Variants in KIAA1328 observed in about 807,000 individuals in gnomAD.
KIAA1328 encodes protein hinderin.
In KIAA1328, 52 loss-of-function variants were observed where a neutral mutation model predicts 68.1. The ratio of observed to expected loss-of-function variants is 0.76; its 90% CI spans 0.61 to 0.96. The LOEUF (loss-of-function observed/expected upper bound fraction) is 0.96, where lower values mean the gene tolerates loss of function less well. Ranked by LOEUF, KIAA1328 falls within the 40% of genes least tolerant of loss-of-function variation. The pLI, the probability that KIAA1328 is intolerant of heterozygous loss-of-function variation, is 0.00. For missense variants in KIAA1328, 641 were observed against 677.6 expected (o/e 0.95, Z 0.60); for synonymous variants, 232 against 239.4 (o/e 0.97, Z 0.28).
chr18:36,885,841 C>T (rs867942173), intron 5 of KIAA1328, 169 bp downstream of exon 5: 5 of 526,790 alleles, frequency 9.5e-6, no homozygotes, highest in South Asian at 8.6e-5. Context: ...CTCAGCCTCC[C>T]GAGTAGCTGG....
chr18:37,065,113 AAGTG>A (rs1408232051), intron 6 of KIAA1328, among the ~76,000 whole-genome samples: 1 of 152,232 alleles, frequency 6.6e-6, no homozygotes, highest in African/African-American at 2.4e-5. Flanking sequence ...TGTGTGTGAA[AAGTG>A]AGACTATTTC....
At chr18:36,951,113 CCTT>C (rs1598800697) in intron 5 of KIAA1328, among the ~76,000 whole-genome samples, 1 of 152,178 alleles carries the variant, frequency 6.6e-6, no homozygotes, top group Admixed American at 6.5e-5. Flanking sequence ...ACATTGGCCT[CCTT>C]CTCGTCTCAC....
intron 9 of KIAA1328, among the ~76,000 whole-genome samples, chr18:37,194,918 CA>C (rs1362889497): frequency 6.6e-6 from 1 of 152,154 alleles, no homozygotes; most frequent in East Asian, 1.9e-4. Flanking sequence ...CTTGGCCTCC[CA>C]AAGTGCTGGG....
In KIAA1328 at chr18:36,953,995, C is replaced by CTTTTTT. The variant is rs71168249; in HGVS notation, c.449-5300_449-5295dup. Among the ~76,000 whole-genome samples the CTTTTTT allele has an allele frequency of 3.9e-3, 445 of 113,500 alleles. 3 individuals carry two copies. The highest frequency in any genetic ancestry group is 6.3e-3 in the East Asian group (25 of 3,938). The allele number at this position is 113,500 out of a possible 152,430, so 74.5% of individuals were successfully genotyped here. ...ATATATTGAATTTGTCTGATTGTTT[C>CTTTTTT]TTTTTTTTTTTTTTTTTTGAGACGG... On this transcript the variant is annotated intron_variant, in intron 5 of 9. Transcript: ENST00000280020.
chr18:37,134,920 T>TA (rs2058609216), intron 7 of KIAA1328, among the ~76,000 whole-genome samples: 1 of 152,296 alleles, frequency 6.6e-6, no homozygotes, highest in East Asian at 1.9e-4. Context: ...ACCCAACGTT[T>TA]AGTTCCCACT....
At chr18:37,129,962 G>T in intron 7 of KIAA1328, among the ~76,000 whole-genome samples, 1 of 152,070 alleles carries the variant, frequency 6.6e-6, no homozygotes, top group East Asian at 1.9e-4. Context: ...GAAATAAAGG[G>T]TTCAGTATGT....
chr18:37,192,145 T>TTGTGTGTGTGTG lies in KIAA1328; in HGVS notation c.1523+19084_1523+19095dup, dbSNP rs10667132. Among the ~76,000 whole-genome samples the TTGTGTGTGTGTG allele has an allele frequency of 4.0e-3, 578 of 144,732 alleles. 8 individuals carry two copies. The highest frequency in any genetic ancestry group is 4.3e-3 in the Non-Finnish European group (286 of 65,856). 94.9% of individuals were successfully genotyped at this position (144,732 alleles called of 152,430 possible). ...TTACATCTAAAGATAAGTCAAGAAA[T>TTGTGTGTGTGTG]TGTGTGTGTGTGTGTGTGTGTGTGT... is the stretch of plus-strand genomic sequence containing the variant. On this transcript the variant is annotated intron_variant, in intron 9 of 9. Coordinates refer to ENST00000280020, the MANE Select transcript of KIAA1328 (RefSeq NM_020776.3).
intron 6 of KIAA1328, among the ~76,000 whole-genome samples, chr18:37,023,994 A>T (rs1446134378): frequency 2.6e-5 from 4 of 151,942 alleles, no homozygotes; most frequent in Non-Finnish European, 1.5e-5. Context: ...TCTTTCTATT[A>T]TTCCCTTCTT....
rs1196144959 is a variant in KIAA1328 at position 37,222,568 on chromosome 18, A to C, written c.*341A>C. 2.7e-5 allele frequency: 30 copies of C among 1,098,516 alleles called. No individual in the cohort carries two copies. Among genetic ancestry groups the C allele is most frequent in the Non-Finnish European group, 3.1e-5 (28 of 899,954 alleles). 68.0% of individuals were successfully genotyped at this position (1,098,516 alleles called of 1,614,324 possible). A position where few individuals can be genotyped will look rare whatever the true frequency, so the allele number is the denominator to read the frequency against. ...TTCCTTCTCAAACTTCTGCTAGAAA[A>C]TGCTGACTCACTTTTATATACAAGA... On this transcript the variant is annotated 3_prime_UTR_variant, in exon 10 of 10. Coordinates refer to ENST00000280020, the MANE Select transcript of KIAA1328 (RefSeq NM_020776.3).
intron 5 of KIAA1328, among the ~76,000 whole-genome samples, chr18:36,935,465 C>T (rs2050464890): frequency 6.6e-6 from 1 of 152,142 alleles, no homozygotes; most frequent in African/African-American, 2.4e-5. Context: ...CCATTTTTTG[C>T]CATTCCAGAT....
chr18:36,968,182 C>T (rs925509553), intron 6 of KIAA1328, among the ~76,000 whole-genome samples: 1 of 152,072 alleles, frequency 6.6e-6, no homozygotes, highest in Non-Finnish European at 1.5e-5. Flanking sequence ...GTACACAGAC[C>T]AGTGACACTA....
intron 5 of KIAA1328, 76 bp downstream of exon 5, chr18:36,885,748 G>T: frequency 4.1e-6 from 4 of 967,892 alleles, no homozygotes; most frequent in Non-Finnish European, 6.2e-6. Flanking sequence ...ACGAAATCTC[G>T]CTCTTGTCGC....
chr18:36,881,327 ATTTTTGTTATTTCCAT>A, intron 4 of KIAA1328, among the ~76,000 whole-genome samples: 1 of 151,982 alleles, frequency 6.6e-6, no homozygotes, highest in South Asian at 2.1e-4. Context: ...ATTTACATTC[ATTTTTGTTATTTCCAT>A]TTTTAATATC....
intron 5 of KIAA1328, chr18:36,902,308 C>T (rs1162981020): frequency 1.3e-5 from 2 of 152,042 alleles, no homozygotes. Context: ...TGAAGAAACG[C>T]ATTCTGTCAC....
At chr18:36,985,931 T>G (rs1380167390) in intron 6 of KIAA1328, among the ~76,000 whole-genome samples, 2 of 152,194 alleles carry the variant, frequency 1.3e-5, no homozygotes, top group Non-Finnish European at 2.9e-5. Flanking sequence ...ATTACATAGC[T>G]ATTACAATGA....
At chr18:37,146,078 A>G (rs1333840523) in intron 7 of KIAA1328, among the ~76,000 whole-genome samples, 2 of 151,930 alleles carry the variant, frequency 1.3e-5, no homozygotes, top group African/African-American at 4.8e-5. Flanking sequence ...ATGGGAGGAT[A>G]ATACTTTTTT....
intron 6 of KIAA1328, among the ~76,000 whole-genome samples, chr18:37,060,131 C>T (rs968513406): frequency 6.6e-6 from 1 of 151,974 alleles, no homozygotes; most frequent in Non-Finnish European, 1.5e-5. Flanking sequence ...ACATTCTGCA[C>T]ATGTATCCCA....
At chr18:36,862,169 G>A (rs2047586086) in intron 4 of KIAA1328, among the ~76,000 whole-genome samples, 2 of 152,152 alleles carry the variant, frequency 1.3e-5, no homozygotes, top group Non-Finnish European at 2.9e-5. Context: ...AATATCACAG[G>A]AAATTGACAT....
At chr18:37,149,450 C>T in intron 7 of KIAA1328, among the ~76,000 whole-genome samples, 1 of 152,028 alleles carries the variant, frequency 6.6e-6, no homozygotes, top group East Asian at 1.9e-4. Context: ...CTATAAAAAC[C>T]CTAGAAGAAA....
Sources: allele counts gnomAD v4.1 joint callset (sites outside exome capture counted in the v4.1 genomes callset), GRCh38; gene constraint gnomAD v4.1.1; transcripts MANE v1.5; gene names NCBI Gene and HGNC (gene_info 2026-07-23, HGNC 2026-07-21).